Variants in PITPNM2 observed in about 807,000 individuals in gnomAD.
The protein encoded by PITPNM2 is phosphatidylinositol transfer protein membrane associated 2.
Under a neutral mutation model 132.2 loss-of-function variants are expected in PITPNM2, and 35 were observed. The observed-to-expected ratio is 0.26, with a 90% CI of 0.20 to 0.35. The LOEUF (loss-of-function observed/expected upper bound fraction) is 0.35. Among genes scored for constraint, PITPNM2 ranks in the 10% least tolerant of loss-of-function variants. PITPNM2 has a pLI of 1.00. For missense variants in PITPNM2, 1,332 were observed against 1,912.0 expected, an observed-to-expected ratio of 0.70 and a Z score of 5.66; for synonymous variants, 738 against 799.2, an observed-to-expected ratio of 0.92 and a Z score of 1.29.
chr12:122,991,870 C>A (rs1181500272), intron 16 of PITPNM2: 3 of 1,311,420 alleles, frequency 2.3e-6, no homozygotes, highest in South Asian at 2.8e-5. Flanking sequence ...CCTCCAGGAC[C>A]AGCTCAGGGT....
chr12:123,014,135 G>A, intron 3 of PITPNM2, 93 bp from the exon 4 acceptor site: 4 of 1,358,022 alleles, frequency 2.9e-6, no homozygotes, highest in Non-Finnish European at 3.1e-6. Context: ...GGTGTGGAAA[G>A]GGAGGAGGGG....
In PITPNM2 at chr12:122,994,142, G is replaced by A. The variant is rs1413109997; in HGVS notation, c.2233+659C>T. On this transcript the variant is annotated intron_variant, in intron 15 of 25. Transcript: ENST00000320201. This position sits in a 1 kb window ranked among gnomAD's most constrained non-coding sequence, Gnocchi z 5.4. ...GCCCGCCTCGGCCTCCCAAAGTGCT[G>A]GATTACAGGCGTGAGCCACCGCGCC... 6.6e-6 allele frequency among the ~76,000 whole-genome samples: 1 copy of A among 152,176 alleles called. No individual in the cohort carries two copies. Among genetic ancestry groups the A allele is most frequent in the Non-Finnish European group, 1.5e-5 (1 of 68,014 alleles).
Position 123,000,346 on chromosome 12 carries a change from C to G in PITPNM2, c.1224+432G>C. ...ATTGGACACACTGAGCTCCGCCTGC[C>G]TCCCGCGGGGCCATCTTGTCGGCCA... On this transcript the variant is annotated intron_variant, in intron 10 of 25. Transcript: ENST00000320201. The surrounding 1 kb of genome is among the most constrained non-coding windows in gnomAD (Gnocchi z 5.4). The G allele has an allele frequency of 1.4e-6, 1 of 697,278 alleles. No homozygotes were observed. Among genetic ancestry groups the G allele is most frequent in the South Asian group, 1.5e-5 (1 of 67,244 alleles). The allele number at this position is 697,278 out of a possible 1,614,324, so 43.2% of individuals were successfully genotyped here.
At chr12:123,145,139 G>A (rs1470606578) in intron 1 of PITPNM2, among the ~76,000 whole-genome samples, 1 of 152,134 alleles carries the variant, frequency 6.6e-6, no homozygotes, top group Admixed American at 6.5e-5. Context: ...TTGCACCACT[G>A]CACTCCAGCC....
intron 3 of PITPNM2, among the ~76,000 whole-genome samples, chr12:123,019,807 A>G (rs1420503152): frequency 1.3e-5 from 2 of 152,196 alleles, no homozygotes; most frequent in Admixed American, 1.3e-4. Flanking sequence ...ACCTACCCCA[A>G]AGAGAACAAC....
At chr12:123,030,080 T>C (rs1325585611) in intron 3 of PITPNM2, among the ~76,000 whole-genome samples, 1 of 151,460 alleles carries the variant, frequency 6.6e-6, no homozygotes, top group Non-Finnish European at 1.5e-5. Context: ...TCACTCATGC[T>C]GCCCATGGAG....
intron 2 of PITPNM2, among the ~76,000 whole-genome samples, chr12:123,109,034 C>T (rs557454223): frequency 6.6e-6 from 1 of 152,332 alleles, no homozygotes; most frequent in East Asian, 1.9e-4. Context: ...CTCTGAGCCT[C>T]GGCTTCCTGT....
At position 122,986,277 on chromosome 12, in the gene PITPNM2, G is replaced by A. The variant is rs1396965627; in HGVS notation, c.3800C>T (p.Thr1267Met). 23 of 1,582,792 alleles carry A rather than the reference G, an allele frequency of 1.5e-5. No homozygotes were observed. The highest frequency in any genetic ancestry group is 5.7e-5 in the South Asian group (5 of 87,198). The change falls in exon 26 of 26, where the codon ACG (threonine) becomes ATG (methionine). Residue 1267 changes from threonine to methionine, a missense_variant. Around this residue, in one of 6 missense-constraint regions of PITPNM2, gnomAD observed 163 missense variants for 177.2 expected, o/e 0.92. Coordinates refer to ENST00000320201, the MANE Select transcript of PITPNM2 (RefSeq NM_020845.3). ...CTTGCGCAGCGCCATGCGGGTGGCC[G>A]TGTTGCGAGCGGGCCGCGCCCGGTG... ...YSHRARPARN[T>M]ATRMALRKGS...
At chr12:122,991,718 G>A (rs1340716972) in intron 16 of PITPNM2, 6 of 1,293,844 alleles carry the variant, frequency 4.6e-6, no homozygotes, top group African/African-American at 1.5e-5. Flanking sequence ...GTCAACCAAC[G>A]AAGCAGACGT....
rs1042661600 is a variant in PITPNM2, at chr12:123,022,132, C to T, written c.79-8090G>A. ...TTCATTTCCGGTGCTCAGAGGCTCC[C>T]GGTACAGCCAAGAGGTGCGGGGAAG... On this transcript the variant is annotated intron_variant, in intron 3 of 25. Transcript: ENST00000320201. This position sits in a 1 kb window ranked among gnomAD's most constrained non-coding sequence, Gnocchi z 4.9. 6.6e-6 allele frequency among the ~76,000 whole-genome samples: 1 copy of T among 152,270 alleles called. No individual in the cohort carries two copies. The highest frequency in any genetic ancestry group is 1.9e-4 in the East Asian group (1 of 5,174).
rs1276884539 is a variant in PITPNM2, at chr12:122,994,165, G to A, written c.2233+636C>T. 1.1e-4 allele frequency among the ~76,000 whole-genome samples: 16 copies of A among 152,220 alleles called. No individual in the cohort carries two copies. Among genetic ancestry groups the A allele is most frequent in the African/African-American group, 3.6e-4 (15 of 41,452 alleles). ...CTGGATTACAGGCGTGAGCCACCGC[G>A]CCCGGCCAGCTCTGCATTTTTAACC... On this transcript the variant is annotated intron_variant, in intron 15 of 25. Coordinates refer to ENST00000320201, the MANE Select transcript of PITPNM2 (RefSeq NM_020845.3). The surrounding 1 kb of genome is among the most constrained non-coding windows in gnomAD (Gnocchi z 5.4).
chr12:123,012,020 T>C (rs562626496), intron 5 of PITPNM2, among the ~76,000 whole-genome samples: 173 of 152,338 alleles, frequency 1.1e-3, no homozygotes, highest in Non-Finnish European at 1.9e-3. Flanking sequence ...ACTTGGGCCT[T>C]GTACCCAGAG....
rs548549036 is a variant in PITPNM2, at chr12:122,990,963, C to T, written c.2405-254G>A. Among the ~76,000 whole-genome samples, 4 of 152,328 alleles carry T rather than the reference C, an allele frequency of 2.6e-5. No individual in the cohort carries two copies. The South Asian group carries it at 8.3e-4, about 32-fold the overall frequency. On this transcript the variant is annotated intron_variant, in intron 16 of 25. Coordinates refer to ENST00000320201, the MANE Select transcript of PITPNM2 (RefSeq NM_020845.3). The stretch of plus-strand genomic sequence containing the variant: ...GGGAGGCGTGGCAGCTGGGCTCAAC[C>T]TCAGTCACCCTCCTGCCCCACACAC...
intron 2 of PITPNM2, among the ~76,000 whole-genome samples, chr12:123,102,464 G>A (rs1242354486): frequency 6.6e-6 from 1 of 152,166 alleles, no homozygotes; most frequent in Non-Finnish European, 1.5e-5. Context: ...ACTGTGATGG[G>A]GACGATGAAG....
rs2043697528 is a variant in PITPNM2 at position 123,150,128 on chromosome 12, A to T, written c.-200+625T>A. 1 of 152,546 alleles carries T rather than the reference A, an allele frequency of 6.6e-6. No homozygotes were observed. Among genetic ancestry groups the T allele is most frequent in the African/African-American group, 2.4e-5 (1 of 41,296 alleles). 9.4% of individuals were successfully genotyped at this position (152,546 alleles called of 1,614,324 possible). On this transcript the variant is annotated intron_variant, in intron 1 of 25. Transcript: ENST00000320201. This position sits in a 1 kb window ranked among gnomAD's most constrained non-coding sequence, Gnocchi z 6.0. ...GAGGCAGTGCACACTGGGGCGGGGGACACTGAACTTTCCCTCTCCCCAAGG... is the reference window on the plus strand; with the variant it reads ...GAGGCAGTGCACACTGGGGCGGGGGTCACTGAACTTTCCCTCTCCCCAAGG...
intron 2 of PITPNM2, among the ~76,000 whole-genome samples, chr12:123,102,384 T>C (rs1238131424): frequency 6.6e-6 from 1 of 152,176 alleles, no homozygotes; most frequent in Non-Finnish European, 1.5e-5. Flanking sequence ...TTGAGAATGG[T>C]CTCCTGGGGC....
At chr12:122,987,472 T>C (rs1327869674) in intron 22 of PITPNM2, 39 bp downstream of exon 22, 5 of 1,611,074 alleles carry the variant, frequency 3.1e-6, no homozygotes, top group Non-Finnish European at 4.2e-6. Flanking sequence ...ACCCAGAGCC[T>C]CGCCCTGCCT....
At position 122,995,427 on chromosome 12, in the gene PITPNM2, C is replaced by T. The variant is rs2038381450; in HGVS notation, c.2016G>A (p.Glu672=). 1 of 1,612,298 alleles carries T rather than the reference C, an allele frequency of 6.2e-7. No individual in the cohort carries two copies. The highest frequency in any genetic ancestry group is 8.5e-7 in the Non-Finnish European group (1 of 1,179,086). Residue 672 remains glutamate, a synonymous_variant, in exon 14 of 26, where the codon GAG becomes GAA. Transcript: ENST00000320201. ...PRKRSDSSTY[E]LDTIQQHQAF... ...CCTGGTGCTGCTGGATGGTATCCAG[C>T]TCGTAGGTGGATGAGTCGCTCCTCT...
chr12:123,065,795 A>T (rs1030314949), intron 2 of PITPNM2, among the ~76,000 whole-genome samples: 1 of 152,110 alleles, frequency 6.6e-6, no homozygotes, highest in Non-Finnish European at 1.5e-5. Context: ...CAGCAGGAGG[A>T]TGGGAAGGAA....
Sources: allele counts gnomAD v4.1 joint callset (sites outside exome capture counted in the v4.1 genomes callset), GRCh38; gene constraint gnomAD v4.1.1; regional missense constraint gnomAD v4.1.1; non-coding constraint Gnocchi (gnomAD v3.1); transcripts MANE v1.5; gene names NCBI Gene and HGNC (gene_info 2026-07-23, HGNC 2026-07-21).